WDPCP: variants seen among roughly 807,000 people sequenced by gnomAD.
WDPCP encodes the protein WD repeat-containing and planar cell polarity effector protein fritz homolog.
WDPCP carries 71 observed loss-of-function variants against 93.1 expected under a neutral mutation model. That is an observed-to-expected ratio of 0.76 (90% CI 0.63 to 0.93). The LOEUF (loss-of-function observed/expected upper bound fraction) is 0.93, where lower values mean the gene tolerates loss of function less well. Ranked by LOEUF, WDPCP falls within the 40% of genes least tolerant of loss-of-function variation. The pLI, the probability that WDPCP is intolerant of heterozygous loss-of-function variation, is 0.00. For synonymous variants in WDPCP, 315 were observed against 315.0 expected (o/e 1.00, Z 0.00); for missense variants, 844 against 887.4 (o/e 0.95, Z 0.62).
chr2:63,710,779 C>A (rs1669250418), intron 2 of WDPCP, among the ~76,000 whole-genome samples: 1 of 152,158 alleles, frequency 6.6e-6, no homozygotes, highest in African/African-American at 2.4e-5. Context: ...TGAATGTTCC[C>A]ACTATCAGTC....
At chr2:63,824,527 G>T (rs1307585378) in intron 1 of WDPCP, among the ~76,000 whole-genome samples, 3 of 91,780 alleles carry the variant, frequency 3.3e-5, no homozygotes, top group Admixed American at 1.8e-4. Flanking sequence ...CAGCCTGGGC[G>T]ACCATGTTTC....
intron 12 of WDPCP, among the ~76,000 whole-genome samples, chr2:63,352,198 A>G (rs777369651): frequency 1.3e-5 from 2 of 152,164 alleles, no homozygotes; most frequent in Admixed American, 6.5e-5. Context: ...ATCTGTGACT[A>G]TCATCTCCCA....
At chr2:63,153,040 A>T in intron 16 of WDPCP, 95 bp from the exon 17 acceptor site, 1 of 1,009,254 alleles carries the variant, frequency 9.9e-7, no homozygotes, top group Non-Finnish European at 1.5e-6. Flanking sequence ...AATGCTTAAA[A>T]TAATAACAAG....
chr2:63,679,361 T>C (rs746708004), intron 2 of WDPCP, among the ~76,000 whole-genome samples: 1 of 152,166 alleles, frequency 6.6e-6, no homozygotes, highest in Non-Finnish European at 1.5e-5. Flanking sequence ...ATGACTACAC[T>C]ATGAACATGA....
At chr2:63,826,915 C>T (rs537117124) in intron 1 of WDPCP, among the ~76,000 whole-genome samples, 1 of 152,248 alleles carries the variant, frequency 6.6e-6, no homozygotes, top group South Asian at 2.1e-4. Flanking sequence ...TTGAGAACTA[C>T]TTCTATAGAC....
chr2:63,291,909 G>A (rs10200678), intron 13 of WDPCP, among the ~76,000 whole-genome samples: 32,635 of 151,576 alleles, frequency 0.22, 4,628 homozygotes, highest in East Asian at 0.6. Context: ...CGAGGAGGGC[G>A]GATCATGAGG....
intron 14 of WDPCP, among the ~76,000 whole-genome samples, chr2:63,254,444 G>C (rs1181692173): frequency 2.0e-5 from 3 of 152,112 alleles, no homozygotes; most frequent in Non-Finnish European, 4.4e-5. Flanking sequence ...CTCCTTTAGA[G>C]ATAATTTGGG....
chr2:63,650,683 C>T (rs539679784), exon 3 of WDPCP: 6 of 152,158 alleles, frequency 3.9e-5, no homozygotes, highest in Non-Finnish European at 5.9e-5. Flanking sequence ...CTTGGGCAAT[C>T]TGAAGTTTCC....
At chr2:63,624,459 G>C (rs1709784977) in intron 3 of WDPCP, among the ~76,000 whole-genome samples, 1 of 151,990 alleles carries the variant, frequency 6.6e-6, no homozygotes, top group Admixed American at 6.6e-5. Flanking sequence ...AGAAAAGAGA[G>C]AAGAATCAAA....
chr2:63,818,640 AACACGG>A (rs1301798746), intron 1 of WDPCP, among the ~76,000 whole-genome samples: 5 of 152,244 alleles, frequency 3.3e-5, no homozygotes, highest in African/African-American at 1.2e-4. Context: ...GGCTACATAC[AACACGG>A]ATGCATTCAC....
chr2:63,562,614 T>C (rs1372744218), intron 1 of WDPCP, among the ~76,000 whole-genome samples: 1 of 152,226 alleles, frequency 6.6e-6, no homozygotes, highest in Admixed American at 6.5e-5. Flanking sequence ...AAATAAATTA[T>C]TACTATGAGA....
chr2:63,524,408 G>A (rs1225658423), intron 1 of WDPCP, among the ~76,000 whole-genome samples: 1 of 152,094 alleles, frequency 6.6e-6, no homozygotes, highest in Non-Finnish European at 1.5e-5. Flanking sequence ...AACAGACAGA[G>A]AGACCAATGG....
intron 2 of WDPCP, among the ~76,000 whole-genome samples, chr2:63,689,293 A>G (rs1668856824): frequency 6.6e-6 from 1 of 152,124 alleles, no homozygotes; most frequent in Admixed American, 6.5e-5. Flanking sequence ...ATTTTTCTTC[A>G]AAGAGCAGAA....
At chr2:63,751,955 C>T in intron 2 of WDPCP, 1 of 648,234 alleles carries the variant, frequency 1.5e-6, no homozygotes, top group Non-Finnish European at 2.9e-6. Flanking sequence ...CCACAGCTGC[C>T]ATCATGACCA....
chr2:63,370,384 TCAG>T (rs953065222), intron 12 of WDPCP, among the ~76,000 whole-genome samples: 1 of 152,158 alleles, frequency 6.6e-6, no homozygotes, highest in Non-Finnish European at 1.5e-5. Context: ...AAGGGTCTGT[TCAG>T]ATGTGTGCAG....
intron 13 of WDPCP, among the ~76,000 whole-genome samples, chr2:63,298,604 T>C (rs1479868942): frequency 6.6e-6 from 1 of 152,166 alleles, no homozygotes; most frequent in Non-Finnish European, 1.5e-5. Flanking sequence ...CTCTTGGACT[T>C]ACATCAGTGG....
chr2:63,419,947 A>G (rs2105341809), intron 9 of WDPCP, among the ~76,000 whole-genome samples: 1 of 152,316 alleles, frequency 6.6e-6, no homozygotes, highest in East Asian at 1.9e-4. Context: ...ACAATCATTT[A>G]AAATATTATG....
At chr2:63,386,982 C>G (rs891311534) in intron 10 of WDPCP, among the ~76,000 whole-genome samples, 2 of 152,000 alleles carry the variant, frequency 1.3e-5, no homozygotes, top group African/African-American at 2.4e-5. Context: ...AGCTCCAAAA[C>G]TGAATCACTA....
intron 14 of WDPCP, among the ~76,000 whole-genome samples, chr2:63,248,950 T>A (rs1424727450): frequency 2.0e-5 from 3 of 152,112 alleles, no homozygotes; most frequent in Non-Finnish European, 4.4e-5. Flanking sequence ...TTATATGGTT[T>A]CCTTTCACTC....
Sources: allele counts gnomAD v4.1 joint callset (sites outside exome capture counted in the v4.1 genomes callset), GRCh38; gene constraint gnomAD v4.1.1; transcripts MANE v1.5; gene names NCBI Gene and HGNC (gene_info 2026-07-23, HGNC 2026-07-21).